The following EDIL3 variants were observed in gnomAD, a reference collection of about 807,000 sequenced individuals.
EDIL3 encodes the protein EGF-like repeat and discoidin I-like domain-containing protein 3.
Under a neutral mutation model 67.4 loss-of-function variants are expected in EDIL3, and 37 were observed. The ratio of observed to expected loss-of-function variants is 0.55; its 90% CI spans 0.42 to 0.72. The LOEUF is 0.72. Among genes scored for constraint, EDIL3 ranks in the 30% least tolerant of loss-of-function variants. The probability of loss-of-function intolerance (pLI) is 0.00; values close to 1 mark genes in which losing one functional copy is unlikely to be tolerated. For synonymous variants in EDIL3, 195 were observed against 196.3 expected (o/e 0.99, Z 0.05); for missense variants, 527 against 586.3 (o/e 0.90, Z 1.04).
At chr5:84,145,424 G>A (rs1748274381) in intron 4 of EDIL3, among the ~76,000 whole-genome samples, 1 of 152,056 alleles carries the variant, frequency 6.6e-6, no homozygotes, top group South Asian at 2.1e-4. Context: ...AGATTTTTAT[G>A]GCCGTATCAA....
intron 1 of EDIL3, among the ~76,000 whole-genome samples, chr5:84,264,511 G>A (rs1292861660): frequency 6.6e-6 from 1 of 152,202 alleles, no homozygotes; most frequent in Non-Finnish European, 1.5e-5. Context: ...GCACGCAGCA[G>A]ATGATGGATC....
At chr5:84,155,234 G>A (rs1213928182) in intron 4 of EDIL3, among the ~76,000 whole-genome samples, 1 of 152,058 alleles carries the variant, frequency 6.6e-6, no homozygotes, top group African/African-American at 2.4e-5. Flanking sequence ...ATAACATTTG[G>A]CTAGTCATAG....
At chr5:84,191,266 G>A (rs1296076170) in intron 3 of EDIL3, among the ~76,000 whole-genome samples, 1 of 152,048 alleles carries the variant, frequency 6.6e-6, no homozygotes, top group African/African-American at 2.4e-5. Flanking sequence ...TTTTGATCTT[G>A]AAGGCAGTGG....
intron 2 of EDIL3, among the ~76,000 whole-genome samples, chr5:84,249,703 A>G (rs1018950066): frequency 1.3e-5 from 2 of 152,168 alleles, no homozygotes; most frequent in Non-Finnish European, 2.9e-5. Flanking sequence ...ACTTTTTACT[A>G]GTTTAATGGA....
chr5:84,123,326 C>G (rs1747811907), intron 5 of EDIL3, among the ~76,000 whole-genome samples: 1 of 151,940 alleles, frequency 6.6e-6, no homozygotes, highest in Admixed American at 6.6e-5. Flanking sequence ...AACCACAGAT[C>G]ATTTTTGTTG....
At chr5:84,006,343 TAAAACAAAACAAAACAAAACAAAAC>T (rs56161304) in intron 9 of EDIL3, among the ~76,000 whole-genome samples, 17 of 147,848 alleles carry the variant, frequency 1.1e-4, no homozygotes, top group East Asian at 4.1e-4. Context: ...TATGCAGCCA[TAAAACAAAACAAAACAAAACAAAAC>T]AAAACAAAAC....
chr5:84,364,377 C>A (rs1299924285), intron 1 of EDIL3, among the ~76,000 whole-genome samples: 1 of 152,160 alleles, frequency 6.6e-6, no homozygotes, highest in African/African-American at 2.4e-5. Context: ...TAAACGAATT[C>A]ATATTGCTTT....
chr5:84,194,071 G>A (rs1430457760), intron 3 of EDIL3, among the ~76,000 whole-genome samples: 3 of 151,892 alleles, frequency 2.0e-5, no homozygotes, highest in Admixed American at 2.0e-4. Flanking sequence ...AATACCTATT[G>A]CTTCCAAAAG....
chr5:84,308,267 T>C (rs1053635882), intron 1 of EDIL3, among the ~76,000 whole-genome samples: 2 of 152,132 alleles, frequency 1.3e-5, no homozygotes, highest in African/African-American at 4.8e-5. Flanking sequence ...AGAGGAAAGA[T>C]TACAAAGCAT....
intron 7 of EDIL3, among the ~76,000 whole-genome samples, chr5:84,065,468 C>T (rs1372232817): frequency 6.6e-6 from 1 of 151,876 alleles, no homozygotes; most frequent in Non-Finnish European, 1.5e-5. Flanking sequence ...TTTATGTAAA[C>T]CTGATAATCC....
chr5:84,120,085 T>G (rs2112297930), intron 5 of EDIL3, among the ~76,000 whole-genome samples: 1 of 152,174 alleles, frequency 6.6e-6, no homozygotes, highest in Middle Eastern at 3.4e-3. Flanking sequence ...TATTGATTTC[T>G]TATGAAGTGT....
At position 84,064,687 on chromosome 5, in the gene EDIL3, A is replaced by AT; in HGVS notation, c.952+12dup. 1 of 1,608,302 alleles carries AT rather than the reference A, an allele frequency of 6.2e-7. No homozygotes were observed. Among genetic ancestry groups the AT allele is most frequent in the African/African-American group, 1.3e-5 (1 of 74,794 alleles). On this transcript the variant is annotated intron_variant, in intron 8 of 10. Coordinates refer to ENST00000296591, the MANE Select transcript of EDIL3 (RefSeq NM_005711.5). ...TTTAAATAGAATACAGAAATAGTTAATTTGAGACTTACCCGACAGTTCACA... is the reference window on the plus strand; with the variant it reads ...TTTAAATAGAATACAGAAATAGTTAATTTTGAGACTTACCCGACAGTTCACA...
chr5:84,197,902 T>C (rs896163547), intron 3 of EDIL3, among the ~76,000 whole-genome samples: 4 of 152,102 alleles, frequency 2.6e-5, no homozygotes, highest in East Asian at 1.9e-4. Flanking sequence ...TGAATACATA[T>C]AAACTAGAAG....
chr5:84,028,807 A>G (rs1388014931), intron 9 of EDIL3, among the ~76,000 whole-genome samples: 3 of 152,100 alleles, frequency 2.0e-5, no homozygotes, highest in Non-Finnish European at 4.4e-5. Context: ...TACAATCTCA[A>G]ACTTGAATAA....
intron 3 of EDIL3, among the ~76,000 whole-genome samples, chr5:84,181,940 G>A (rs534659138): frequency 6.6e-6 from 1 of 152,266 alleles, no homozygotes; most frequent in South Asian, 2.1e-4. Flanking sequence ...ATCTGACTGT[G>A]TATGAAGAGG....
chr5:84,076,107 C>A (rs1021284039), intron 6 of EDIL3, among the ~76,000 whole-genome samples: 1 of 151,484 alleles, frequency 6.6e-6, no homozygotes, highest in Non-Finnish European at 1.5e-5. Context: ...CAAAAACAAA[C>A]AAAAATTTAC....
At chr5:83,966,920 C>T (rs1000072024) in intron 9 of EDIL3, among the ~76,000 whole-genome samples, 11 of 152,040 alleles carry the variant, frequency 7.2e-5, no homozygotes, top group South Asian at 2.1e-4. Flanking sequence ...TAAAATATTT[C>T]GCTCACCATC....
At chr5:84,109,891 T>C (rs141925796) in intron 5 of EDIL3, among the ~76,000 whole-genome samples, 1 of 152,218 alleles carries the variant, frequency 6.6e-6, no homozygotes, top group African/African-American at 2.4e-5. Flanking sequence ...AAAATCGGGG[T>C]TATGATGACA....
At chr5:84,238,349 C>A (rs1744719712) in intron 2 of EDIL3, among the ~76,000 whole-genome samples, 1 of 151,764 alleles carries the variant, frequency 6.6e-6, no homozygotes, top group Admixed American at 6.6e-5. Flanking sequence ...TATAGATCGA[C>A]ACATTTGGCT....
Sources: gnomAD v4.1 joint callset for allele counts (sites outside exome capture counted in the v4.1 genomes callset) on GRCh38, gnomAD v4.1.1 for gene constraint, MANE v1.5 for transcripts, NCBI Gene and HGNC (gene_info 2026-07-23, HGNC 2026-07-21) for gene names.